The following CLVS1 variants were observed in gnomAD, a reference collection of about 807,000 sequenced individuals.
CLVS1 encodes clavesin-1.
Under a neutral mutation model 33.1 loss-of-function variants are expected in CLVS1, and 10 were observed. The observed-to-expected ratio is 0.30, with a 90% CI of 0.19 to 0.51. CLVS1 has a LOEUF of 0.51. Ranked by LOEUF, CLVS1 falls within the 20% of genes least tolerant of loss-of-function variation. CLVS1 has a pLI of 0.97. For missense variants in CLVS1, 343 were observed against 433.4 expected, an observed-to-expected ratio of 0.79 and a Z score of 1.85; for synonymous variants, 163 against 166.1, an observed-to-expected ratio of 0.98 and a Z score of 0.14.
intron 2 of CLVS1, among the ~76,000 whole-genome samples, chr8:61,191,906 G>T (rs1405498887): frequency 6.6e-6 from 1 of 152,192 alleles, no homozygotes; most frequent in Non-Finnish European, 1.5e-5. Flanking sequence ...AACATTCCAT[G>T]CTCATGGATA....
chr8:61,229,489 G>A (rs560309264), intron 2 of CLVS1, among the ~76,000 whole-genome samples: 1 of 152,196 alleles, frequency 6.6e-6, no homozygotes, highest in Non-Finnish European at 1.5e-5. Context: ...GGCAGAAGGT[G>A]GGATTTAAGC....
At chr8:61,220,748 G>C (rs879097874) in intron 2 of CLVS1, among the ~76,000 whole-genome samples, 1 of 151,956 alleles carries the variant, frequency 6.6e-6, no homozygotes, top group Non-Finnish European at 1.5e-5. Context: ...AATTGCTTTG[G>C]GCAGTATGGC....
intron 3 of CLVS1, among the ~76,000 whole-genome samples, chr8:61,449,063 C>T (rs1476727542): frequency 6.6e-6 from 1 of 151,930 alleles, no homozygotes; most frequent in Non-Finnish European, 1.5e-5. Context: ...ACCACTCTGG[C>T]AGTGAAAGTG....
chr8:61,132,434 G>C (rs905739422), intron 2 of CLVS1, among the ~76,000 whole-genome samples: 4 of 152,234 alleles, frequency 2.6e-5, no homozygotes, highest in African/African-American at 9.6e-5. Flanking sequence ...GCGGGCTGAG[G>C]CTTTGGGCAG....
At chr8:61,450,827 C>T (rs1235323444) in intron 3 of CLVS1, among the ~76,000 whole-genome samples, 1 of 152,162 alleles carries the variant, frequency 6.6e-6, no homozygotes, top group Non-Finnish European at 1.5e-5. Flanking sequence ...ATTATTACTG[C>T]TATTCACCAA....
At position 61,501,197 on chromosome 8, in the gene CLVS1, CATAGATAGGTAAGA is replaced by C. The variant is rs1292004529; in HGVS notation, c.*1656_*1669del. On this transcript the variant is annotated 3_prime_UTR_variant, in exon 6 of 6. Transcript: ENST00000325897. ...GAAACACTTTTCTTATGTACCAAGA[CATAGATAGGTAAGA>C]GAAATAAAGAATTGAAGTGAATTAG... is the stretch of plus-strand genomic sequence containing the variant. 6.6e-6 allele frequency: 1 copy of C among 152,046 alleles called. No homozygotes were observed. The highest frequency in any genetic ancestry group is 1.5e-5 in the Non-Finnish European group (1 of 67,990). 9.4% of individuals were successfully genotyped at this position (152,046 alleles called of 1,614,324 possible). A position where few individuals can be genotyped will look rare whatever the true frequency, so the allele number is the denominator to read the frequency against.
chr8:61,466,701 G>T (rs190375978), intron 5 of CLVS1, among the ~76,000 whole-genome samples: 1 of 152,148 alleles, frequency 6.6e-6, no homozygotes. Context: ...AGGCTGGAGT[G>T]CAGTGGCACG....
intron 2 of CLVS1, among the ~76,000 whole-genome samples, chr8:61,224,114 G>A (rs772401594): frequency 3.3e-5 from 5 of 152,214 alleles, no homozygotes; most frequent in Non-Finnish European, 7.4e-5. Flanking sequence ...GTTAGACCAT[G>A]TGCCTTTAGC....
At chr8:61,376,207 A>G (rs1182989118) in intron 2 of CLVS1, among the ~76,000 whole-genome samples, 1 of 152,214 alleles carries the variant, frequency 6.6e-6, no homozygotes, top group Admixed American at 6.5e-5. Flanking sequence ...GCAATGATTC[A>G]TTGTACTGGG....
chr8:61,093,545 T>G (rs1805292830), intron 1 of CLVS1, among the ~76,000 whole-genome samples: 1 of 152,194 alleles, frequency 6.6e-6, no homozygotes, highest in Admixed American at 6.5e-5. Flanking sequence ...GCAAATGGGA[T>G]TCAGAGGATT....
chr8:61,008,464 C>CTT, the CLVS1 span, among the ~76,000 whole-genome samples: 291 of 135,040 alleles, frequency 2.2e-3, 2 homozygotes, highest in African/African-American at 6.8e-3. Context: ...TGGGGATTTA[C>CTT]TTTTTTTTTT....
intron 2 of CLVS1, among the ~76,000 whole-genome samples, chr8:61,139,660 G>A (rs1399380740): frequency 2.0e-5 from 3 of 152,058 alleles, no homozygotes; most frequent in Non-Finnish European, 4.4e-5. Flanking sequence ...GCCTCAGGGG[G>A]AGGCACGGGG....
chr8:61,491,435 C>T (rs928863504), intron 5 of CLVS1, among the ~76,000 whole-genome samples: 2 of 152,128 alleles, frequency 1.3e-5, no homozygotes, highest in Non-Finnish European at 2.9e-5. Flanking sequence ...CAGTCATCTG[C>T]AGTCATAAAG....
At chr8:61,389,196 T>G (rs1814203677) in intron 3 of CLVS1, among the ~76,000 whole-genome samples, 1 of 152,154 alleles carries the variant, frequency 6.6e-6, no homozygotes, top group Non-Finnish European at 1.5e-5. Context: ...GAAGTCTCAA[T>G]GAAGAATTTG....
At chr8:60,975,253 C>T in the CLVS1 span, among the ~76,000 whole-genome samples, 1 of 152,192 alleles carries the variant, frequency 6.6e-6, no homozygotes, top group Admixed American at 6.5e-5. Context: ...AGCCCCATTT[C>T]ACTCTTTGTA....
At chr8:61,421,897 C>A (rs760659220) in intron 3 of CLVS1, among the ~76,000 whole-genome samples, 9 of 152,206 alleles carry the variant, frequency 5.9e-5, no homozygotes, top group Non-Finnish European at 1.0e-4. Flanking sequence ...CTAAAGCAGA[C>A]TCCTTCATGG....
chr8:61,179,664 A>C (rs886657116), intron 2 of CLVS1, among the ~76,000 whole-genome samples: 5 of 152,214 alleles, frequency 3.3e-5, no homozygotes, highest in African/African-American at 1.2e-4. Flanking sequence ...AGTGCAATCA[A>C]ATTAGAACTC....
intron 2 of CLVS1, among the ~76,000 whole-genome samples, chr8:61,372,299 T>C (rs903539414): frequency 3.3e-5 from 5 of 152,236 alleles, no homozygotes; most frequent in Admixed American, 6.5e-5. Flanking sequence ...TTGCATAAAG[T>C]AGGTGAACTG....
chr8:61,213,031 C>A (rs979249361), intron 2 of CLVS1, among the ~76,000 whole-genome samples: 1 of 152,000 alleles, frequency 6.6e-6, no homozygotes, highest in Admixed American at 6.5e-5. Flanking sequence ...CATTTTGGTC[C>A]CACTATCCCT....
Sources: allele counts gnomAD v4.1 joint callset (sites outside exome capture counted in the v4.1 genomes callset), GRCh38; gene constraint gnomAD v4.1.1; transcripts MANE v1.5; gene names NCBI Gene and HGNC (gene_info 2026-07-23, HGNC 2026-07-21).